Variants in ANKRD24 observed in about 807,000 individuals in gnomAD.
ANKRD24 encodes ankyrin repeat domain-containing protein 24.
A neutral mutation model predicts 127.8 loss-of-function variants in ANKRD24; 109 were observed. That is an observed-to-expected ratio of 0.85 (90% CI 0.73 to 1.00). The LOEUF (loss-of-function observed/expected upper bound fraction) is 1.00, where lower values mean the gene tolerates loss of function less well. Among genes scored for constraint, ANKRD24 ranks in the 50% least tolerant of loss-of-function variants. The pLI is 0.00. For synonymous variants in ANKRD24, 743 were observed against 671.1 expected, an observed-to-expected ratio of 1.11 and a Z score of -1.66; for missense variants, 1,648 against 1,570.2, an observed-to-expected ratio of 1.05 and a Z score of -0.84.
chr19:4,219,521 T>C (rs1031761214), intron 18 of ANKRD24, 70 bp from the exon 19 acceptor site: 8 of 1,498,860 alleles, frequency 5.3e-6, no homozygotes. Context: ...AGAAGGATCA[T>C]ATGAATTCTG....
At position 4,224,737 on chromosome 19, in the gene ANKRD24, C is replaced by A. The variant is rs939566470; in HGVS notation, c.*232C>A. On this transcript the variant is annotated 3_prime_UTR_variant, in exon 22 of 22. Transcript: ENST00000318934. Reference sequence around the variant, plus strand: ...ACCCGGGCCGTGACTGCCCCTCCCCCACCACCGGAGACTGTGATTCCCTGT... The same window carrying A: ...ACCCGGGCCGTGACTGCCCCTCCCCAACCACCGGAGACTGTGATTCCCTGT... 3 of 568,258 alleles carry A rather than the reference C, an allele frequency of 5.3e-6. No homozygotes were observed. The highest frequency in any genetic ancestry group is 4.2e-5 in the South Asian group (2 of 47,412). 35.2% of individuals were successfully genotyped at this position (568,258 alleles called of 1,614,324 possible).
intron 15 of ANKRD24, 141 bp downstream of exon 15, chr19:4,212,839 A>C: frequency 7.6e-6 from 6 of 794,170 alleles, no homozygotes; most frequent in Admixed American, 2.8e-5. Flanking sequence ...GCACCCACAA[A>C]CCCACAGTCT....
chr19:4,190,871 A>G (rs938891005), intron 2 of ANKRD24, among the ~76,000 whole-genome samples: 4 of 152,258 alleles, frequency 2.6e-5, no homozygotes, highest in African/African-American at 9.6e-5. Flanking sequence ...ACCAAGCCAT[A>G]TGATTGCTTA....
chr19:4,195,509 A>AG lies in ANKRD24; in HGVS notation c.37-4172dup, dbSNP rs1360670236. On this transcript the variant is annotated intron_variant, in intron 2 of 21. Coordinates refer to ENST00000318934, the MANE Select transcript of ANKRD24 (RefSeq NM_001393985.1). The surrounding 1 kb of genome is among the most constrained non-coding windows in gnomAD (Gnocchi z 4.2). ...GGACCTCCCCACCCCCAAGGGTGGA[A>AG]GGAGAGAAGAGTTCCAAGGACACCC... Among the ~76,000 whole-genome samples the AG allele has an allele frequency of 2.0e-5, 3 of 152,116 alleles. No individual in the cohort carries two copies. Among genetic ancestry groups the AG allele is most frequent in the Non-Finnish European group, 4.4e-5 (3 of 68,004 alleles).
Position 4,195,983 on chromosome 19 carries a change from A to G in ANKRD24, c.37-3700A>G, listed in dbSNP as rs1044409053. Reference sequence around the variant, plus strand: ...TCACCCAGCCCTAAGCCAGTGGTCAATGTGTCAATGGAGGGACACTTGCCA... The same window carrying G: ...TCACCCAGCCCTAAGCCAGTGGTCAGTGTGTCAATGGAGGGACACTTGCCA... On this transcript the variant is annotated intron_variant, in intron 2 of 21. Transcript: ENST00000318934. This position sits in a 1 kb window ranked among gnomAD's most constrained non-coding sequence, Gnocchi z 4.2. 3.3e-5 allele frequency among the ~76,000 whole-genome samples: 5 copies of G among 152,230 alleles called. No individual in the cohort carries two copies. The highest frequency in any genetic ancestry group is 6.5e-5 in the Admixed American group (1 of 15,280).
rs761184258 is a variant in ANKRD24 at position 4,210,173 on chromosome 19, G to C, written c.951+35G>C. On this transcript the variant is annotated intron_variant, in intron 12 of 21. Transcript: ENST00000318934. ...GCTCTGGGCACGGGAGGAGGCATGG[G>C]GAGCCCCCAGGCACGGGGAGGGGCT... is the stretch of plus-strand genomic sequence containing the variant. 1.1e-5 allele frequency: 18 copies of C among 1,580,706 alleles called. No homozygotes were observed. In the South Asian group the frequency reaches 2.1e-4, roughly 18 times the overall value.
At position 4,200,024 on chromosome 19, in the gene ANKRD24, G is replaced by A; in HGVS notation, c.254+19G>A. 1 of 1,563,838 alleles carries A rather than the reference G, an allele frequency of 6.4e-7. No individual in the cohort carries two copies. The highest frequency in any genetic ancestry group is 8.7e-7 in the Non-Finnish European group (1 of 1,152,106). ...AGTCCGCGTGAGTGCCCGCGACCCG[G>A]GAGTGAGATGGCTGAGGGGTGGCAA... On this transcript the variant is annotated intron_variant, in intron 4 of 21. Coordinates refer to ENST00000318934, the MANE Select transcript of ANKRD24 (RefSeq NM_001393985.1).
At position 4,207,326 on chromosome 19, in the gene ANKRD24, A is replaced by G; in HGVS notation, c.537+14A>G. On this transcript the variant is annotated intron_variant, in intron 8 of 21. Transcript: ENST00000318934. ...CCCCAAGATCGGGTAAGCTTCTGGGATCTCTTCAGGGAAGATGTTATGCTT... is the reference window on the plus strand; with the variant it reads ...CCCCAAGATCGGGTAAGCTTCTGGGGTCTCTTCAGGGAAGATGTTATGCTT... 6.2e-7 allele frequency: 1 copy of G among 1,612,216 alleles called. No individual in the cohort carries two copies. Among genetic ancestry groups the G allele is most frequent in the East Asian group, 2.2e-5 (1 of 44,860 alleles).
chr19:4,189,367 C>T (rs1259660587), intron 2 of ANKRD24, among the ~76,000 whole-genome samples: 1 of 150,752 alleles, frequency 6.6e-6, no homozygotes, highest in East Asian at 1.9e-4. Flanking sequence ...TCTTATGCCG[C>T]AGCCTCCCAA....
At chr19:4,213,291 CCTTT>C (rs1251494530) in intron 15 of ANKRD24, among the ~76,000 whole-genome samples, 9 of 143,130 alleles carry the variant, frequency 6.3e-5, no homozygotes, top group East Asian at 4.3e-4. Context: ...CTCCTTCCTT[CCTTT>C]CTTTCCTTCC....
intron 15 of ANKRD24, among the ~76,000 whole-genome samples, chr19:4,214,840 C>T (rs1057189823): frequency 1.3e-5 from 2 of 152,004 alleles, no homozygotes; most frequent in African/African-American, 4.8e-5. Flanking sequence ...GGCGACAGAG[C>T]GAGACTCTCT....
At chr19:4,211,587 T>A (rs983277667) in intron 13 of ANKRD24, among the ~76,000 whole-genome samples, 11 of 151,668 alleles carry the variant, frequency 7.3e-5, no homozygotes, top group African/African-American at 2.7e-4. Flanking sequence ...GAGGTTGCAG[T>A]GAGCCAAGAT....
chr19:4,183,829 C>T (rs1176155193), intron 1 of ANKRD24, among the ~76,000 whole-genome samples: 2 of 152,088 alleles, frequency 1.3e-5, no homozygotes, highest in Non-Finnish European at 2.9e-5. Context: ...ATTGCTTGAA[C>T]CCAGGAGGCG....
intron 20 of ANKRD24, among the ~76,000 whole-genome samples, chr19:4,223,393 ATATATATATT>A (rs1237865449): frequency 4.1e-4 from 32 of 78,874 alleles, no homozygotes; most frequent in African/African-American, 1.8e-3. Flanking sequence ...ATATATATAT[ATATATATATT>A]TTTTTTTTTT....
At chr19:4,194,198 T>G (rs1336612990) in intron 2 of ANKRD24, among the ~76,000 whole-genome samples, 2 of 152,324 alleles carry the variant, frequency 1.3e-5, no homozygotes, top group African/African-American at 4.8e-5. Context: ...AGTCTGGCTC[T>G]GTCACCCAGG....
chr19:4,198,569 C>A lies in ANKRD24; in HGVS notation c.37-1114C>A. 2.0e-6 allele frequency: 1 copy of A among 502,694 alleles called. No individual in the cohort carries two copies. The highest frequency in any genetic ancestry group is 3.5e-6 in the Non-Finnish European group (1 of 282,728). 31.1% of individuals were successfully genotyped at this position (502,694 alleles called of 1,614,324 possible). Reference sequence around the variant, plus strand: ...GGAGGGGGCGCAGGAGCGGGCGGGGCGCGGGTACCTCCTCTCCCCTCCCTT... The same window carrying A: ...GGAGGGGGCGCAGGAGCGGGCGGGGAGCGGGTACCTCCTCTCCCCTCCCTT... On this transcript the variant is annotated intron_variant, in intron 2 of 21. Coordinates refer to ENST00000318934, the MANE Select transcript of ANKRD24 (RefSeq NM_001393985.1). The surrounding 1 kb of genome is among the most constrained non-coding windows in gnomAD (Gnocchi z 6.1).
At position 4,198,717 on chromosome 19, in the gene ANKRD24, G is replaced by A. The variant is rs2145274331; in HGVS notation, c.37-966G>A. 6.6e-6 allele frequency among the ~76,000 whole-genome samples: 1 copy of A among 152,250 alleles called. No individual in the cohort carries two copies. Among genetic ancestry groups the A allele is most frequent in the South Asian group, 2.1e-4 (1 of 4,828 alleles). On this transcript the variant is annotated intron_variant, in intron 2 of 21. Coordinates refer to ENST00000318934, the MANE Select transcript of ANKRD24 (RefSeq NM_001393985.1). This position sits in a 1 kb window ranked among gnomAD's most constrained non-coding sequence, Gnocchi z 6.1. Reference sequence around the variant, plus strand: ...TGGGGGAATGGAAGAGACATTTGGGGAGACATGTGGACACGTTTTGGAAGA... The same window carrying A: ...TGGGGGAATGGAAGAGACATTTGGGAAGACATGTGGACACGTTTTGGAAGA...
intron 1 of ANKRD24, among the ~76,000 whole-genome samples, chr19:4,185,450 A>C (rs1968007685): frequency 6.6e-6 from 1 of 151,896 alleles, no homozygotes; most frequent in Non-Finnish European, 1.5e-5. Flanking sequence ...GCCAACCCCT[A>C]CTCCTTGGTA....
At chr19:4,200,287 C>T (rs1969027339) in intron 5 of ANKRD24, 116 bp downstream of exon 5, 2 of 1,150,794 alleles carry the variant, frequency 1.7e-6, no homozygotes, top group Non-Finnish European at 2.4e-6. Flanking sequence ...AAAGGGGAGG[C>T]TCCCTCTGGT....
Sources: allele counts gnomAD v4.1 joint callset (sites outside exome capture counted in the v4.1 genomes callset), GRCh38; gene constraint gnomAD v4.1.1; non-coding constraint Gnocchi (gnomAD v3.1); transcripts MANE v1.5; gene names NCBI Gene and HGNC (gene_info 2026-07-23, HGNC 2026-07-21).